Variants in TPD52L1 observed in about 807,000 individuals in gnomAD.
TPD52L1 encodes the protein TPD52 like 1.
Under a neutral mutation model 28.7 loss-of-function variants are expected in TPD52L1, and 18 were observed. The observed-to-expected ratio is 0.63, with a 90% confidence interval of 0.43 to 0.93. The LOEUF is 0.93. Among genes scored for constraint, TPD52L1 ranks in the 40% least tolerant of loss-of-function variants. The probability of loss-of-function intolerance (pLI) is 0.00; values close to 1 mark genes in which losing one functional copy is unlikely to be tolerated. For synonymous variants in TPD52L1, 75 were observed against 88.8 expected, an observed-to-expected ratio of 0.84 and a Z score of 0.88; for missense variants, 203 against 254.8, an observed-to-expected ratio of 0.80 and a Z score of 1.39.
At chr6:125,233,733 A>C (rs1796092639) in intron 3 of TPD52L1, among the ~76,000 whole-genome samples, 1 of 152,228 alleles carries the variant, frequency 6.6e-6, no homozygotes, top group African/African-American at 2.4e-5. Flanking sequence ...CTTCTTCTAA[A>C]AAGATGAATT....
chr6:125,213,417 G>C (rs1794649678), intron 1 of TPD52L1, among the ~76,000 whole-genome samples: 1 of 151,994 alleles, frequency 6.6e-6, no homozygotes, highest in Admixed American at 6.6e-5. Context: ...ATGTCCCCTG[G>C]TGCTGAAGTT....
chr6:125,220,447 T>G (rs1290700433), intron 2 of TPD52L1, among the ~76,000 whole-genome samples: 2 of 152,246 alleles, frequency 1.3e-5, no homozygotes, highest in Admixed American at 1.3e-4. Context: ...GTTTTAAATA[T>G]ACACTTCTTA....
chr6:125,154,804 A>G (rs1315000237), intron 1 of TPD52L1, among the ~76,000 whole-genome samples: 1 of 152,148 alleles, frequency 6.6e-6, no homozygotes. Flanking sequence ...GGACTCAGTG[A>G]TCTACCTTGG....
At chr6:125,167,060 C>T (rs1011260093) in intron 1 of TPD52L1, among the ~76,000 whole-genome samples, 1 of 152,002 alleles carries the variant, frequency 6.6e-6, no homozygotes. Context: ...AGCTCAAGAC[C>T]AGCCCAGGCA....
At position 125,264,187 on chromosome 6, in the gene TPD52L1, G is replaced by A. The variant is rs116465448; in HGVS notation, c.*1225G>A. 3.4e-3 allele frequency: 510 copies of A among 151,936 alleles called. 3 individuals carry two copies. The highest frequency in any genetic ancestry group is 0.012 in the African/African-American group (485 of 41,384). The allele number at this position is 151,936 out of a possible 1,614,324, so 9.4% of individuals were successfully genotyped here. ...GTATCTCTTTTCTTTTTCTAAATGG[G>A]AACATATATTTGTTATTAGGTGGCA... is the stretch of plus-strand genomic sequence containing the variant. On this transcript the variant is annotated 3_prime_UTR_variant, in exon 7 of 7. Transcript: ENST00000534000.
intron 1 of TPD52L1, among the ~76,000 whole-genome samples, chr6:125,162,226 T>C (rs1178793107): frequency 6.6e-6 from 1 of 152,220 alleles, no homozygotes; most frequent in Admixed American, 6.5e-5. Context: ...ATATTTTAGG[T>C]GAAGTCAGTC....
chr6:125,254,678 G>A (rs1028656719), intron 5 of TPD52L1, among the ~76,000 whole-genome samples: 1 of 152,148 alleles, frequency 6.6e-6, no homozygotes, highest in Non-Finnish European at 1.5e-5. Flanking sequence ...TGAGACCGCC[G>A]AAGCCAAATT....
chr6:125,176,195 C>T (rs1791812633), intron 1 of TPD52L1, among the ~76,000 whole-genome samples: 1 of 152,160 alleles, frequency 6.6e-6, no homozygotes, highest in Non-Finnish European at 1.5e-5. Context: ...AATTTGGTGG[C>T]ATTTTCTTTT....
At chr6:125,232,746 C>T (rs1055037924) in intron 3 of TPD52L1, among the ~76,000 whole-genome samples, 1 of 152,080 alleles carries the variant, frequency 6.6e-6, no homozygotes, top group Non-Finnish European at 1.5e-5. Flanking sequence ...AATAATTACA[C>T]AGCAGACTGA....
intron 2 of TPD52L1, among the ~76,000 whole-genome samples, chr6:125,222,291 G>A (rs968416185): frequency 1.1e-4 from 16 of 152,300 alleles, no homozygotes; most frequent in Admixed American, 1.0e-3. Context: ...CAGCCCCTCT[G>A]CCCCAATTCT....
chr6:125,176,375 C>T (rs1392935679), intron 1 of TPD52L1, among the ~76,000 whole-genome samples: 1 of 152,184 alleles, frequency 6.6e-6, no homozygotes, highest in Non-Finnish European at 1.5e-5. Context: ...CCCAAGTCCT[C>T]ACTTATAGCC....
chr6:125,153,990 C>T lies in TPD52L1; in HGVS notation c.19+20C>T. ...CACAAGGTGAGTGGTCGCCGATCGC[C>T]CCGAGAGTCAGGTCCTGGGGCGCGC... On this transcript the variant is annotated intron_variant, in intron 1 of 6. Transcript: ENST00000534000. The T allele has an allele frequency of 6.2e-7, 1 of 1,604,992 alleles. No homozygotes were observed. The highest frequency in any genetic ancestry group is 1.1e-5 in the South Asian group (1 of 88,976).
rs1294742663 is a variant in TPD52L1, at chr6:125,172,529, TA to T, written c.19+18560del. On this transcript the variant is annotated intron_variant, in intron 1 of 6. Transcript: ENST00000534000. ...CTTTCATGCTATATATATATATATATATATATATATATATATATATATAATA... is the reference window on the plus strand; with the variant it reads ...CTTTCATGCTATATATATATATATATTATATATATATATATATATATAATA... Among the ~76,000 whole-genome samples, 29 of 84,954 alleles carry T rather than the reference TA, an allele frequency of 3.4e-4. 2 individuals are homozygous for T. In the South Asian group the frequency reaches 6.6e-3, roughly 19 times the overall value. 55.7% of individuals were successfully genotyped at this position (84,954 alleles called of 152,430 possible).
intron 2 of TPD52L1, among the ~76,000 whole-genome samples, chr6:125,225,272 C>A (rs762812966): frequency 6.6e-6 from 1 of 152,190 alleles, no homozygotes; most frequent in Non-Finnish European, 1.5e-5. Flanking sequence ...GGGCTGTAGT[C>A]ACCTTTGGTC....
At chr6:125,183,243 C>T (rs535563581) in intron 1 of TPD52L1, among the ~76,000 whole-genome samples, 13 of 152,114 alleles carry the variant, frequency 8.5e-5, no homozygotes, top group Admixed American at 4.6e-4. Context: ...TTTGGGAAGC[C>T]GAGGTGGGTG....
At chr6:125,185,079 T>G (rs981700688) in intron 1 of TPD52L1, among the ~76,000 whole-genome samples, 1 of 152,174 alleles carries the variant, frequency 6.6e-6, no homozygotes, top group Non-Finnish European at 1.5e-5. Context: ...TGTATTGGAA[T>G]GAAAGCATAA....
chr6:125,165,805 G>T (rs1343329116), intron 1 of TPD52L1, among the ~76,000 whole-genome samples: 1 of 152,162 alleles, frequency 6.6e-6, no homozygotes, highest in Non-Finnish European at 1.5e-5. Context: ...ATCCGTAAAA[G>T]TCACATGAGA....
chr6:125,155,921 G>A (rs996331300), intron 1 of TPD52L1, among the ~76,000 whole-genome samples: 2 of 152,106 alleles, frequency 1.3e-5, no homozygotes, highest in Non-Finnish European at 2.9e-5. Flanking sequence ...TGCAATTTTT[G>A]CCATGACTTT....
chr6:125,178,056 T>C (rs1272605534), intron 1 of TPD52L1, among the ~76,000 whole-genome samples: 1 of 152,210 alleles, frequency 6.6e-6, no homozygotes, highest in Non-Finnish European at 1.5e-5. Flanking sequence ...AAATTAAACA[T>C]TTAAAATTAT....
Sources: gnomAD v4.1 joint callset for allele counts (sites outside exome capture counted in the v4.1 genomes callset) on GRCh38, gnomAD v4.1.1 for gene constraint, MANE v1.5 for transcripts, NCBI Gene and HGNC (gene_info 2026-07-23, HGNC 2026-07-21) for gene names.